CROCC2: variants seen among roughly 807,000 people sequenced by gnomAD.
CROCC2 encodes ciliary rootlet coiled-coil protein 2.
In CROCC2, 163 loss-of-function variants were observed where a neutral mutation model predicts 177.6. The ratio of observed to expected loss-of-function variants is 0.92; its 90% CI spans 0.81 to 1.05. The LOEUF (loss-of-function observed/expected upper bound fraction) is 1.05, where lower values mean the gene tolerates loss of function less well. CROCC2 is among the 50% of genes least tolerant of loss of function. The pLI is 0.00. For missense variants in CROCC2, 1,929 were observed against 1,797.8 expected (o/e 1.07, Z -1.32); for synonymous variants, 904 against 787.3 (o/e 1.15, Z -2.48).
In CROCC2 at chr2:240,922,650, G is replaced by A; in HGVS notation, c.488+5G>A. On this transcript the variant is annotated splice_donor_5th_base_variant and intron_variant, in intron 4 of 31. Coordinates refer to ENST00000690015, the MANE Select transcript of CROCC2 (RefSeq NM_001351305.2). The stretch of plus-strand genomic sequence containing the variant: ...TCTGGAGGCTGCCGAGGAGAGGTGA[G>A]GCCAGGTGCGGGGCAGTCAGGGCTG... 1.6e-6 allele frequency: 1 copy of A among 626,100 alleles called. No individual in the cohort carries two copies. The highest frequency in any genetic ancestry group is 3.0e-6 in the Non-Finnish European group (1 of 338,196). 38.8% of individuals were successfully genotyped at this position (626,100 alleles called of 1,614,324 possible).
rs771487372 is a variant in CROCC2 at position 240,982,880 on chromosome 2, G to C, written c.4402G>C (p.Glu1468Gln). The change falls in exon 28 of 32, where the codon GAG becomes CAG. Residue 1468 changes from glutamate to glutamine, a missense_variant and splice_region_variant. Around this residue, in one of 3 missense-constraint regions of CROCC2, gnomAD observed 388 missense variants for 352.7 expected, o/e 1.10. Coordinates refer to ENST00000690015, the MANE Select transcript of CROCC2 (RefSeq NM_001351305.2). This position sits in a 1 kb window ranked among gnomAD's most constrained non-coding sequence, Gnocchi z 4.7. ...GGACCCTGTGTCTCCTTCCCCCCAG[G>C]AGCAACTGGAAACGCTGCGCCAGGC... is the stretch of plus-strand genomic sequence containing the variant. ...AAGQEKRRLQ[E>Q]QLETLRQALE... The C allele has an allele frequency of 2.6e-5, 40 of 1,547,498 alleles. No homozygotes were observed. Among genetic ancestry groups the C allele is most frequent in the Non-Finnish European group, 3.5e-5 (40 of 1,145,652 alleles).
chr2:240,915,179 C>G (rs2059312561), intron 1 of CROCC2, among the ~76,000 whole-genome samples: 1 of 152,194 alleles, frequency 6.6e-6, no homozygotes, highest in African/African-American at 2.4e-5. Flanking sequence ...CCCGGCCCCC[C>G]ATTCCAGGGT....
Position 240,959,300 on chromosome 2 carries a change from G to A in CROCC2, c.2944-1G>A. On this transcript the variant is annotated splice_acceptor_variant, in intron 19 of 31. Transcript: ENST00000690015. LOFTEE classifies it high-confidence loss of function. ...CACCGTGGGCTCCCTTCTCCCCGCA[G>A]GCCACCATCAGTGCCACGACTGAGG... is the stretch of plus-strand genomic sequence containing the variant. 1 of 1,550,120 alleles carries A rather than the reference G, an allele frequency of 6.5e-7. No homozygotes were observed. The highest frequency in any genetic ancestry group is 8.7e-7 in the Non-Finnish European group (1 of 1,146,818).
At chr2:240,950,710 C>T in intron 18 of CROCC2, 200 bp downstream of exon 18, 2 of 553,434 alleles carry the variant, frequency 3.6e-6, no homozygotes, top group Non-Finnish European at 6.3e-6. Flanking sequence ...CATTCATTCA[C>T]CCATCCATCC....
chr2:240,959,088 G>A (rs1002410380), intron 19 of CROCC2: 2 of 555,802 alleles, frequency 3.6e-6, no homozygotes, highest in Non-Finnish European at 6.3e-6. Flanking sequence ...CATCACAGCT[G>A]TCAGGGGCCG....
rs762253451 is a variant in CROCC2, at chr2:240,935,087, G to T, written c.1938+25G>T. On this transcript the variant is annotated intron_variant, in intron 13 of 31. Coordinates refer to ENST00000690015, the MANE Select transcript of CROCC2 (RefSeq NM_001351305.2). ...GGTGAGACAAGGGCCAGTGGGGCGG[G>T]CCTCGCTGGAACCTGTTTCCCAGGT... is the stretch of plus-strand genomic sequence containing the variant. The T allele has an allele frequency of 2.2e-5, 29 of 1,327,738 alleles. No homozygotes were observed. The Admixed American group carries it at 4.7e-4, about 22-fold the overall frequency. The allele number at this position is 1,327,738 out of a possible 1,614,324, so 82.2% of individuals were successfully genotyped here. A position where few individuals can be genotyped will look rare whatever the true frequency, so the allele number is the denominator to read the frequency against.
intron 14 of CROCC2, among the ~76,000 whole-genome samples, chr2:240,941,333 C>G (rs777420315): frequency 2.4e-4 from 36 of 152,062 alleles, no homozygotes; most frequent in Non-Finnish European, 3.8e-4. Flanking sequence ...GAAAAAAATC[C>G]TAAATTTCAT....
At chr2:240,937,815 T>C (rs1231683157) in intron 14 of CROCC2, among the ~76,000 whole-genome samples, 1 of 152,140 alleles carries the variant, frequency 6.6e-6, no homozygotes, top group Non-Finnish European at 1.5e-5. Flanking sequence ...GGGAGGTGAT[T>C]TGTTCATGGG....
intron 18 of CROCC2, among the ~76,000 whole-genome samples, chr2:240,952,776 A>G (rs1335364529): frequency 6.6e-6 from 1 of 152,186 alleles, no homozygotes; most frequent in Non-Finnish European, 1.5e-5. Flanking sequence ...GTTCTTGAGC[A>G]GGCGTGATAT....
At chr2:240,919,838 T>G (rs4675790) in intron 2 of CROCC2, 145 bp from the exon 3 acceptor site, 329,462 of 572,986 alleles carry the variant, frequency 0.57, 97,371 homozygotes, top group African/African-American at 0.79. Flanking sequence ...CGGGCTCAGA[T>G]CTGGGACCCC....
chr2:240,991,195 G>C lies in CROCC2; in HGVS notation c.4864-1G>C. On this transcript the variant is annotated splice_acceptor_variant, in intron 30 of 31. Coordinates refer to ENST00000690015, the MANE Select transcript of CROCC2 (RefSeq NM_001351305.2). LOFTEE classifies it high-confidence loss of function. Reference sequence around the variant, plus strand: ...GACCTGAGCCACTGTCCTGTCCCCAGGTGGCCAGCCTGAAGGAGCAACTGG... The same window carrying C: ...GACCTGAGCCACTGTCCTGTCCCCACGTGGCCAGCCTGAAGGAGCAACTGG... The C allele has an allele frequency of 6.5e-7, 1 of 1,546,208 alleles. No individual in the cohort carries two copies. The highest frequency in any genetic ancestry group is 1.2e-5 in the South Asian group (1 of 82,732).
At chr2:240,967,984 G>A (rs140265247) in intron 26 of CROCC2, 145 bp from the exon 27 acceptor site, 329 of 809,776 alleles carry the variant, frequency 4.1e-4, no homozygotes, top group Admixed American at 1.1e-3. Flanking sequence ...GGGACCCTGG[G>A]GCAGCCCCAG....
At chr2:240,919,423 C>T (rs34596631) in intron 2 of CROCC2, among the ~76,000 whole-genome samples, 49,035 of 152,076 alleles carry the variant, frequency 0.32, 8,093 homozygotes, top group Admixed American at 0.39. Context: ...TGCACCCGCC[C>T]CAGGCCCCTG....
chr2:240,942,253 T>C (rs181293657), intron 14 of CROCC2, among the ~76,000 whole-genome samples: 3 of 152,366 alleles, frequency 2.0e-5, no homozygotes, highest in Admixed American at 1.3e-4. Context: ...CATTACTTTA[T>C]TAATACTTTT....
rs1386367021 is a variant in CROCC2, at chr2:240,964,508, C to T, written c.3348C>T (p.Ile1116=). The T allele has an allele frequency of 6.5e-7, 1 of 1,549,146 alleles. No homozygotes were observed. Among genetic ancestry groups the T allele is most frequent in the South Asian group, 1.2e-5 (1 of 83,988 alleles). ...SKEEKEQKLL[I]LEEAQAALQQ... ...AGGAGAAGGAGCAGAAGCTGCTCAT[C>T]CTGGAGGAGGCCCAGGCGGCGTTGC... Residue 1116 remains isoleucine (I), a synonymous_variant, in exon 22 of 32, where the codon ATC becomes ATT. Transcript: ENST00000690015.
In CROCC2 at chr2:240,991,275, G is replaced by A; in HGVS notation, c.4943G>A (p.Gly1648Glu). ...CACCTCGGCCAGGCCTTCCAGACAG[G>A]ACAGTGAGCCCTGCTGCATACCACC... ...QAHLGQAFQTGHAQRD is the reference protein window; with the variant it reads ...QAHLGQAFQTEHAQRD The change falls in exon 31 of 32, where the codon GGA becomes GAA. Residue 1648 changes from glycine (G) to glutamate (E), a missense_variant. Gly to Glu is a moderately conservative substitution (Grantham distance 98). Around this residue, in one of 3 missense-constraint regions of CROCC2, gnomAD observed 388 missense variants for 352.7 expected, o/e 1.10. Transcript: ENST00000690015. 2.6e-6 allele frequency: 4 copies of A among 1,547,986 alleles called. No homozygotes were observed. Among genetic ancestry groups the A allele is most frequent in the Non-Finnish European group, 3.5e-6 (4 of 1,145,686 alleles).
At chr2:240,992,620 T>A (rs1230182038) in intron 31 of CROCC2, among the ~76,000 whole-genome samples, 3 of 152,204 alleles carry the variant, frequency 2.0e-5, no homozygotes, top group Non-Finnish European at 4.4e-5. Flanking sequence ...GGGGAAGAGC[T>A]TGGTGACCCA....
intron 1 of CROCC2, among the ~76,000 whole-genome samples, chr2:240,911,971 C>T (rs865954733): frequency 4.6e-5 from 7 of 152,300 alleles, no homozygotes; most frequent in East Asian, 1.9e-4. Context: ...AATATTTCTT[C>T]GAGCCTCTGC....
intron 27 of CROCC2, among the ~76,000 whole-genome samples, chr2:240,974,733 T>C (rs2059747741): frequency 6.6e-6 from 1 of 152,176 alleles, no homozygotes; most frequent in Non-Finnish European, 1.5e-5. Context: ...TGTTTATGCT[T>C]GGGCTTTCTC....
Sources: allele counts gnomAD v4.1 joint callset (sites outside exome capture counted in the v4.1 genomes callset), GRCh38; gene constraint gnomAD v4.1.1; regional missense constraint gnomAD v4.1.1; non-coding constraint Gnocchi (gnomAD v3.1); transcripts MANE v1.5; gene names NCBI Gene and HGNC (gene_info 2026-07-23, HGNC 2026-07-21).